Variants in MIB1 observed in about 807,000 individuals in gnomAD.
MIB1 encodes MIB E3 ubiquitin protein ligase 1.
Under a neutral mutation model 124.5 loss-of-function variants are expected in MIB1, and 278 were observed. That is an observed-to-expected ratio of 2.23 (90% CI 2.02 to 2.47). The LOEUF (loss-of-function observed/expected upper bound fraction) is 2.47, where lower values mean the gene tolerates loss of function less well. Ranked by LOEUF, MIB1 falls within the 30% of genes most tolerant of loss-of-function variation. The pLI, the probability that MIB1 is intolerant of heterozygous loss-of-function variation, is 0.00. For synonymous variants in MIB1, 446 were observed against 429.4 expected (o/e 1.04, Z -0.48); for missense variants, 957 against 1,254.4 (o/e 0.76, Z 3.58).
Position 21,869,696 on chromosome 18 carries a change from T to C in MIB1, c.*5030T>C, listed in dbSNP as rs1349579137. 2 of 152,430 alleles carry C rather than the reference T, an allele frequency of 1.3e-5. No individual in the cohort carries two copies. The highest frequency in any genetic ancestry group is 2.9e-5 in the Non-Finnish European group (2 of 67,908). 9.4% of individuals were successfully genotyped at this position (152,430 alleles called of 1,614,324 possible). ...GTTATTATGCAAAGTCATCTATAAGTAGCATCTGGGAAGAGGAGATCGAGG... is the reference window on the plus strand; with the variant it reads ...GTTATTATGCAAAGTCATCTATAAGCAGCATCTGGGAAGAGGAGATCGAGG... On this transcript the variant is annotated 3_prime_UTR_variant, in exon 21 of 21. Coordinates refer to ENST00000261537, the MANE Select transcript of MIB1 (RefSeq NM_020774.4).
intron 2 of MIB1, among the ~76,000 whole-genome samples, chr18:21,767,909 G>A (rs1321676510): frequency 2.0e-5 from 3 of 152,018 alleles, no homozygotes; most frequent in Non-Finnish European, 2.9e-5. Flanking sequence ...TGGATTCATA[G>A]AACACCCTGC....
At chr18:21,790,989 A>G (rs1296561706) in intron 6 of MIB1, among the ~76,000 whole-genome samples, 1 of 151,996 alleles carries the variant, frequency 6.6e-6, no homozygotes, top group African/African-American at 2.4e-5. Flanking sequence ...AGATCACTTG[A>G]GCTCAGGAGT....
chr18:21,788,978 G>A (rs2041470482), intron 6 of MIB1, among the ~76,000 whole-genome samples: 1 of 152,178 alleles, frequency 6.6e-6, no homozygotes, highest in Non-Finnish European at 1.5e-5. Flanking sequence ...CTAAATAAAT[G>A]ACAAAACATT....
At chr18:21,795,680 G>C (rs182457987) in intron 7 of MIB1, among the ~76,000 whole-genome samples, 4 of 151,990 alleles carry the variant, frequency 2.6e-5, no homozygotes, top group Non-Finnish European at 5.9e-5. Context: ...ATGAAACTAA[G>C]TGTGTTTCTG....
intron 11 of MIB1, among the ~76,000 whole-genome samples, chr18:21,816,059 T>C (rs1052815972): frequency 3.3e-5 from 5 of 152,168 alleles, no homozygotes; most frequent in African/African-American, 4.8e-5. Context: ...TGTAAAAATA[T>C]CAGCTTATGA....
chr18:21,712,685 G>C (rs1366902917), intron 1 of MIB1, among the ~76,000 whole-genome samples: 1 of 152,208 alleles, frequency 6.6e-6, no homozygotes, highest in Admixed American at 6.5e-5. Flanking sequence ...ATCTCCAGAT[G>C]AAAATACAGC....
chr18:21,706,845 C>T (rs1225720130), intron 1 of MIB1, among the ~76,000 whole-genome samples: 4 of 152,220 alleles, frequency 2.6e-5, no homozygotes, highest in East Asian at 1.9e-4. Flanking sequence ...CCCCCACGAG[C>T]GCTGCCCCCT....
At chr18:21,735,004 T>C (rs140713976) in intron 1 of MIB1, among the ~76,000 whole-genome samples, 56 of 152,384 alleles carry the variant, frequency 3.7e-4, no homozygotes, top group African/African-American at 1.3e-3. Context: ...TTGTGTATTT[T>C]CTTTCCTTTT....
rs2040848910 is a variant in MIB1, at chr18:21,741,439, C to T, written c.-145C>T. 1 of 371,446 alleles carries T rather than the reference C, an allele frequency of 2.7e-6. No individual in the cohort carries two copies. The highest frequency in any genetic ancestry group is 4.4e-6 in the Non-Finnish European group (1 of 228,916). 23.0% of individuals were successfully genotyped at this position (371,446 alleles called of 1,614,324 possible). On this transcript the variant is annotated 5_prime_UTR_variant, in exon 1 of 21. Coordinates refer to ENST00000261537, the MANE Select transcript of MIB1 (RefSeq NM_020774.4). The surrounding 1 kb of genome is among the most constrained non-coding windows in gnomAD (Gnocchi z 5.4). Reference sequence around the variant, plus strand: ...TCCGCGGGGACCGCGCCGCCGCCCCCGTGAGTTATTCTCACGTCCCCCGGG... The same window carrying T: ...TCCGCGGGGACCGCGCCGCCGCCCCTGTGAGTTATTCTCACGTCCCCCGGG...
intron 1 of MIB1, among the ~76,000 whole-genome samples, chr18:21,727,611 A>G (rs900722404): frequency 1.6e-4 from 25 of 152,146 alleles, no homozygotes; most frequent in South Asian, 1.2e-3. Flanking sequence ...AAAACAATGA[A>G]AAATTAGCCA....
At chr18:21,761,722 CATGTCTGTCTGTCT>C (rs1381370503) in intron 1 of MIB1, among the ~76,000 whole-genome samples, 1 of 152,152 alleles carries the variant, frequency 6.6e-6, no homozygotes, top group Non-Finnish European at 1.5e-5. Flanking sequence ...CTTGTCTGTC[CATGTCTGTCTGTCT>C]GTCACTGTCT....
intron 6 of MIB1, among the ~76,000 whole-genome samples, chr18:21,780,547 T>C (rs1375304103): frequency 6.6e-6 from 1 of 152,238 alleles, no homozygotes; most frequent in Non-Finnish European, 1.5e-5. Flanking sequence ...CCATTCATGT[T>C]GCTGCAGATG....
rs118052833 is a variant in MIB1 at position 21,769,566 on chromosome 18, G to A, written c.531+814G>A. 1.2e-3 allele frequency among the ~76,000 whole-genome samples: 182 copies of A among 152,246 alleles called. 6 individuals carry two copies. The East Asian group carries it at 0.032, about 27-fold the overall frequency. On this transcript the variant is annotated intron_variant, in intron 3 of 20. Coordinates refer to ENST00000261537, the MANE Select transcript of MIB1 (RefSeq NM_020774.4). ...AAAGATGCCTTTGCCTCTTTTCCTG[G>A]CTGGATCTCATGTTTTCTGTATCCC...
chr18:21,705,474 C>A (rs527967187), intron 1 of MIB1, among the ~76,000 whole-genome samples: 1 of 152,242 alleles, frequency 6.6e-6, no homozygotes, highest in Admixed American at 6.5e-5. Context: ...AGACAAGAAA[C>A]CATTTATGAA....
rs1314168821 is a variant in MIB1 at position 21,870,809 on chromosome 18, C to T, written c.*6143C>T. The T allele has an allele frequency of 1.3e-5, 2 of 151,914 alleles. No homozygotes were observed. Among genetic ancestry groups the T allele is most frequent in the East Asian group, 3.9e-4 (2 of 5,188 alleles). 9.4% of individuals were successfully genotyped at this position (151,914 alleles called of 1,614,324 possible). ...TTATTTGAAAAAAGCATATATATTC[C>T]AACTTTAAAATTGTGAATTTATTTT... On this transcript the variant is annotated 3_prime_UTR_variant, in exon 21 of 21. Coordinates refer to ENST00000261537, the MANE Select transcript of MIB1 (RefSeq NM_020774.4).
intron 8 of MIB1, among the ~76,000 whole-genome samples, chr18:21,798,643 G>A (rs1361182515): frequency 6.6e-6 from 1 of 151,926 alleles, no homozygotes; most frequent in African/African-American, 2.4e-5. Context: ...TTTCCTTCCT[G>A]TATATTTTTA....
intron 12 of MIB1, chr18:21,830,731 T>A (rs2041971153): frequency 6.6e-6 from 1 of 152,132 alleles, no homozygotes; most frequent in African/African-American, 2.4e-5. Flanking sequence ...TATTTGCTGA[T>A]TCAGCATTTC....
intron 7 of MIB1, among the ~76,000 whole-genome samples, chr18:21,796,855 C>T (rs1205689116): frequency 1.3e-5 from 2 of 152,120 alleles, no homozygotes; most frequent in African/African-American, 4.8e-5. Flanking sequence ...TTCTTGCTGA[C>T]TATATACAGA....
chr18:21,849,149 G>T (rs371349483), intron 16 of MIB1, 47 bp from the exon 17 acceptor site: 56 of 1,210,004 alleles, frequency 4.6e-5, no homozygotes, highest in Non-Finnish European at 5.5e-5. Context: ...TTTAATTAGT[G>T]AATTTGTAAT....
Sources: gnomAD v4.1 joint callset for allele counts (sites outside exome capture counted in the v4.1 genomes callset) on GRCh38, gnomAD v4.1.1 for gene constraint, Gnocchi (gnomAD v3.1) non-coding constraint, MANE v1.5 for transcripts, NCBI Gene and HGNC (gene_info 2026-07-23, HGNC 2026-07-21) for gene names.